GRM7: variants seen among roughly 807,000 people sequenced by gnomAD.
GRM7 encodes metabotropic glutamate receptor 7.
Under a neutral mutation model 84.5 loss-of-function variants are expected in GRM7, and 35 were observed. That is an observed-to-expected ratio of 0.41 (90% CI 0.32 to 0.55). GRM7 has a LOEUF of 0.55. Ranked by LOEUF, GRM7 falls within the 20% of genes least tolerant of loss-of-function variation. GRM7 has a pLI of 0.19. For synonymous variants in GRM7, 487 were observed against 455.1 expected, an observed-to-expected ratio of 1.07 and a Z score of -0.89; for missense variants, 1,003 against 1,194.6, an observed-to-expected ratio of 0.84 and a Z score of 2.36.
At chr3:7,688,791 C>A (rs948531261) in intron 9 of GRM7, among the ~76,000 whole-genome samples, 1 of 152,132 alleles carries the variant, frequency 6.6e-6, no homozygotes, top group Non-Finnish European at 1.5e-5. Context: ...TCCAACAAAG[C>A]CACACTGTTT....
At chr3:7,267,238 TA>T (rs1357837910) in intron 2 of GRM7, among the ~76,000 whole-genome samples, 2 of 152,222 alleles carry the variant, frequency 1.3e-5, no homozygotes, top group African/African-American at 4.8e-5. Flanking sequence ...TTTTGGCAAC[TA>T]TTGATTAGGC....
At chr3:7,190,211 G>C (rs925737469) in intron 2 of GRM7, among the ~76,000 whole-genome samples, 3 of 152,090 alleles carry the variant, frequency 2.0e-5, no homozygotes, top group African/African-American at 7.2e-5. Flanking sequence ...TTTCTTACTG[G>C]TCTTATTTAG....
chr3:7,312,297 A>G (rs1374798829), intron 4 of GRM7, among the ~76,000 whole-genome samples: 1 of 152,126 alleles, frequency 6.6e-6, no homozygotes, highest in Non-Finnish European at 1.5e-5. Context: ...TTCCAGGGTC[A>G]GTAGAAAACA....
chr3:7,561,650 G>A (rs1416963702), intron 7 of GRM7: 2 of 446,124 alleles, frequency 4.5e-6, no homozygotes, highest in Non-Finnish European at 9.1e-6. Flanking sequence ...AAGATAATGT[G>A]AATCAGATAA....
chr3:7,396,654 C>T (rs533694058), intron 4 of GRM7, among the ~76,000 whole-genome samples: 60 of 152,114 alleles, frequency 3.9e-4, no homozygotes, highest in Admixed American at 1.2e-3. Flanking sequence ...ATTTAAGAAT[C>T]GCATTTGGGA....
chr3:7,381,879 A>G (rs1468208976), intron 4 of GRM7, among the ~76,000 whole-genome samples: 1 of 152,196 alleles, frequency 6.6e-6, no homozygotes, highest in Non-Finnish European at 1.5e-5. Flanking sequence ...TACCTAGCTC[A>G]GGGTAAGTGG....
At chr3:7,395,564 G>C (rs2125149525) in intron 4 of GRM7, among the ~76,000 whole-genome samples, 1 of 152,224 alleles carries the variant, frequency 6.6e-6, no homozygotes, top group Admixed American at 6.5e-5. Flanking sequence ...GGGCCAGGTG[G>C]AGATAATTGA....
intron 1 of GRM7, among the ~76,000 whole-genome samples, chr3:6,954,599 C>G (rs968818790): frequency 6.6e-6 from 1 of 152,186 alleles, no homozygotes; most frequent in South Asian, 2.1e-4. Context: ...CAAGGCCCAG[C>G]TTGAATTACT....
At chr3:7,323,986 C>G (rs1327595062) in intron 4 of GRM7, among the ~76,000 whole-genome samples, 1 of 152,144 alleles carries the variant, frequency 6.6e-6, no homozygotes, top group Non-Finnish European at 1.5e-5. Context: ...CCCTTGCTTT[C>G]TTTAAATCTT....
At chr3:7,279,447 A>G (rs970913240) in intron 2 of GRM7, among the ~76,000 whole-genome samples, 1 of 152,174 alleles carries the variant, frequency 6.6e-6, no homozygotes, top group African/African-American at 2.4e-5. Context: ...TGACCAAACC[A>G]TATGGAGCAG....
chr3:7,433,484 AT>A (rs1294320006), intron 5 of GRM7, among the ~76,000 whole-genome samples: 1 of 152,180 alleles, frequency 6.6e-6, no homozygotes, highest in African/African-American at 2.4e-5. Flanking sequence ...CTATCCTGTC[AT>A]TTTTGTTAGG....
At chr3:7,394,624 G>A in intron 4 of GRM7, among the ~76,000 whole-genome samples, 1 of 135,362 alleles carries the variant, frequency 7.4e-6, no homozygotes, top group Non-Finnish European at 1.6e-5. Flanking sequence ...TTAAAAATAG[G>A]GAAAATACTT....
intron 4 of GRM7, among the ~76,000 whole-genome samples, chr3:7,400,456 G>T (rs1450210565): frequency 2.0e-5 from 3 of 152,012 alleles, no homozygotes; most frequent in African/African-American, 7.2e-5. Flanking sequence ...CTACAATCTG[G>T]CTCCATTATA....
chr3:7,305,937 T>G (rs1480057416), intron 3 of GRM7, among the ~76,000 whole-genome samples: 6 of 152,204 alleles, frequency 3.9e-5, no homozygotes, highest in African/African-American at 1.4e-4. Context: ...TTTTTTCTTT[T>G]ATTTGCTCCC....
At chr3:7,715,421 G>T (rs753583741) in intron 9 of GRM7, among the ~76,000 whole-genome samples, 1 of 152,054 alleles carries the variant, frequency 6.6e-6, no homozygotes, top group Admixed American at 6.6e-5. Context: ...TTTAGTGAGC[G>T]ACCATCATGC....
At chr3:7,724,994 A>G (rs542482390) in intron 9 of GRM7, among the ~76,000 whole-genome samples, 2 of 152,096 alleles carry the variant, frequency 1.3e-5, no homozygotes, top group African/African-American at 2.4e-5. Context: ...TGCCCATGCT[A>G]TTCTCAAACT....
chr3:7,475,015 C>G (rs1698864495), intron 7 of GRM7, among the ~76,000 whole-genome samples: 1 of 152,164 alleles, frequency 6.6e-6, no homozygotes, highest in Non-Finnish European at 1.5e-5. Flanking sequence ...GGTGTGGATT[C>G]CTTACAAACT....
chr3:6,954,782 C>G (rs1692955967), intron 1 of GRM7, among the ~76,000 whole-genome samples: 1 of 152,160 alleles, frequency 6.6e-6, no homozygotes, highest in African/African-American at 2.4e-5. Flanking sequence ...ATGTAAAGTA[C>G]TTAGCAGAGA....
chr3:6,935,852 C>T (rs919002085), intron 1 of GRM7, among the ~76,000 whole-genome samples: 12 of 152,046 alleles, frequency 7.9e-5, no homozygotes, highest in African/African-American at 2.4e-4. Flanking sequence ...TGTGCCAACA[C>T]GCACGGCTAA....
Sources: gnomAD v4.1 joint callset for allele counts (sites outside exome capture counted in the v4.1 genomes callset) on GRCh38, gnomAD v4.1.1 for gene constraint, MANE v1.5 for transcripts, NCBI Gene and HGNC (gene_info 2026-07-23, HGNC 2026-07-21) for gene names.